Variants in ZNF804A observed in about 807,000 individuals in gnomAD.
ZNF804A encodes zinc finger protein 804A.
In ZNF804A, 2 loss-of-function variants were observed where a neutral mutation model predicts 16.5. The observed-to-expected ratio is 0.12, with a 90% CI of 0.05 to 0.38. ZNF804A has a LOEUF of 0.38. Ranked by LOEUF, ZNF804A falls within the 10% of genes least tolerant of loss-of-function variation. The pLI, the probability that ZNF804A is intolerant of heterozygous loss-of-function variation, is 0.99. For missense variants in ZNF804A, 1,473 were observed against 1,390.7 expected (o/e 1.06, Z -0.94); for synonymous variants, 534 against 489.6 (o/e 1.09, Z -1.20).
At chr2:184,931,336 A>G (rs1685698681) in intron 2 of ZNF804A, among the ~76,000 whole-genome samples, 1 of 152,196 alleles carries the variant, frequency 6.6e-6, no homozygotes, top group Non-Finnish European at 1.5e-5. Context: ...GCTCTGCCCC[A>G]CAGCACACCT....
intron 1 of ZNF804A, among the ~76,000 whole-genome samples, chr2:184,703,687 T>C (rs7597521): frequency 0.49 from 17,721 of 36,078 alleles, 3,442 homozygotes; most frequent in Middle Eastern, 0.57. Flanking sequence ...AAGACTCCGG[T>C]TCAAAAAAAA....
chr2:184,616,834 T>C (rs1173873175), intron 1 of ZNF804A, among the ~76,000 whole-genome samples: 1 of 152,144 alleles, frequency 6.6e-6, no homozygotes, highest in Non-Finnish European at 1.5e-5. Context: ...TCTTAATATC[T>C]GTGGGATGGT....
chr2:184,683,554 A>G lies in ZNF804A; in HGVS notation c.111+84484A>G, dbSNP rs1692576160. On this transcript the variant is annotated intron_variant, in intron 1 of 3. Transcript: ENST00000302277. ...TCACTGCCCCAAAGATTGATTTTTC[A>G]GAATTTTGGGCTATATCATTTTTTT... 2.6e-5 allele frequency among the ~76,000 whole-genome samples: 4 copies of G among 152,262 alleles called. No homozygotes were observed. The South Asian group carries it at 6.2e-4, about 24-fold the overall frequency.
At chr2:184,698,447 T>C (rs1197540991) in intron 1 of ZNF804A, among the ~76,000 whole-genome samples, 1 of 152,080 alleles carries the variant, frequency 6.6e-6, no homozygotes, top group Non-Finnish European at 1.5e-5. Flanking sequence ...AGCTGGAACA[T>C]AAAGGCTCTT....
At chr2:184,917,262 G>A (rs914735359) in intron 2 of ZNF804A, among the ~76,000 whole-genome samples, 52 of 152,184 alleles carry the variant, frequency 3.4e-4, no homozygotes, top group African/African-American at 1.1e-3. Flanking sequence ...TGTCTAACAT[G>A]ATACAGCTAT....
intron 1 of ZNF804A, among the ~76,000 whole-genome samples, chr2:184,694,530 T>C (rs1574166286): frequency 6.6e-6 from 1 of 152,194 alleles, no homozygotes; most frequent in South Asian, 2.1e-4. Flanking sequence ...GTTTATATGG[T>C]ATACAGTTTT....
At chr2:184,790,948 G>A (rs550068480) in intron 1 of ZNF804A, among the ~76,000 whole-genome samples, 2 of 152,112 alleles carry the variant, frequency 1.3e-5, no homozygotes, top group Non-Finnish European at 1.5e-5. Context: ...CTTTTTCTCC[G>A]TGTTGTTGAT....
chr2:184,827,953 T>A (rs1695192015), intron 1 of ZNF804A, among the ~76,000 whole-genome samples: 1 of 151,844 alleles, frequency 6.6e-6, no homozygotes, highest in Non-Finnish European at 1.5e-5. Context: ...GATGTTCAGA[T>A]GATACAGCAT....
chr2:184,748,855 T>C (rs892212851), intron 1 of ZNF804A, among the ~76,000 whole-genome samples: 3 of 151,520 alleles, frequency 2.0e-5, no homozygotes, highest in African/African-American at 7.3e-5. Context: ...CCTTTCCTCA[T>C]TGCTTCTTTT....
intron 1 of ZNF804A, among the ~76,000 whole-genome samples, chr2:184,707,831 A>G (rs1172682822): frequency 1.3e-5 from 2 of 152,102 alleles, no homozygotes; most frequent in African/African-American, 4.8e-5. Flanking sequence ...GCTGGGTGGA[A>G]TGGTAGTTCG....
intron 2 of ZNF804A, among the ~76,000 whole-genome samples, chr2:184,868,451 A>G (rs1466147788): frequency 1.3e-5 from 2 of 152,034 alleles, no homozygotes; most frequent in Admixed American, 1.3e-4. Context: ...AACAGATTGG[A>G]TATAGACAAT....
At chr2:184,610,367 G>T (rs145238798) in intron 1 of ZNF804A, among the ~76,000 whole-genome samples, 101 of 152,262 alleles carry the variant, frequency 6.6e-4, no homozygotes, top group Non-Finnish European at 1.2e-3. Context: ...AAATACTTTA[G>T]AAAAAGTCTG....
At chr2:184,765,842 A>T (rs11898003) in intron 1 of ZNF804A, among the ~76,000 whole-genome samples, 11,449 of 151,986 alleles carry the variant, frequency 0.075, 1,468 homozygotes, top group African/African-American at 0.26. Flanking sequence ...ACTCTAAAAT[A>T]TTTTTTCACA....
At chr2:184,646,602 C>T (rs1691878888) in intron 1 of ZNF804A, among the ~76,000 whole-genome samples, 1 of 152,208 alleles carries the variant, frequency 6.6e-6, no homozygotes, top group Non-Finnish European at 1.5e-5. Flanking sequence ...CTTAGATCAG[C>T]AGCCTGAGCT....
intron 1 of ZNF804A, among the ~76,000 whole-genome samples, chr2:184,700,705 A>G (rs996465194): frequency 7.9e-5 from 12 of 152,208 alleles, no homozygotes; most frequent in Admixed American, 5.2e-4. Context: ...TGATAAATAT[A>G]TAGTGTAAAT....
intron 1 of ZNF804A, among the ~76,000 whole-genome samples, chr2:184,700,174 A>T (rs1001345936): frequency 6.6e-6 from 1 of 152,112 alleles, no homozygotes; most frequent in African/African-American, 2.4e-5. Flanking sequence ...AATCTGGGCC[A>T]TTTATTTCTT....
chr2:184,913,634 G>A (rs1685397834), intron 2 of ZNF804A, among the ~76,000 whole-genome samples: 1 of 152,112 alleles, frequency 6.6e-6, no homozygotes, highest in Admixed American at 6.6e-5. Flanking sequence ...CCTCGATTCA[G>A]TGATCATTCA....
intron 1 of ZNF804A, among the ~76,000 whole-genome samples, chr2:184,703,703 A>AG (rs1692967931): frequency 6.7e-6 from 1 of 150,102 alleles, no homozygotes; most frequent in Non-Finnish European, 1.5e-5. Context: ...AAAAAAAAAA[A>AG]AAAAAAAAAG....
intron 1 of ZNF804A, among the ~76,000 whole-genome samples, chr2:184,732,362 C>T (rs1693534705): frequency 6.6e-6 from 1 of 151,712 alleles, no homozygotes; most frequent in African/African-American, 2.4e-5. Context: ...TGTGGGTTTA[C>T]TTCTGGACCT....
Sources: allele counts gnomAD v4.1 joint callset (sites outside exome capture counted in the v4.1 genomes callset), GRCh38; gene constraint gnomAD v4.1.1; transcripts MANE v1.5; gene names NCBI Gene and HGNC (gene_info 2026-07-23, HGNC 2026-07-21).